Variants in MEMO1 observed in about 807,000 individuals in gnomAD.
MEMO1 encodes protein MEMO1.
MEMO1 carries 6 observed loss-of-function variants against 45.2 expected under a neutral mutation model. The observed-to-expected ratio is 0.13, with a 90% CI of 0.07 to 0.26. The LOEUF is 0.26. Among genes scored for constraint, MEMO1 ranks in the 10% least tolerant of loss-of-function variants. The pLI is 1.00. For synonymous variants in MEMO1, 78 were observed against 124.3 expected (o/e 0.63, Z 2.48); for missense variants, 184 against 370.5 (o/e 0.50, Z 4.13).
intron 2 of MEMO1, among the ~76,000 whole-genome samples, chr2:32,004,559 C>G (rs1016652132): frequency 4.6e-5 from 7 of 152,322 alleles, no homozygotes; most frequent in Admixed American, 3.9e-4. Flanking sequence ...AACTGGAGCT[C>G]TTACACACTG....
chr2:31,908,329 T>A lies in MEMO1; in HGVS notation c.437+9597A>T, dbSNP rs141870322. Among the ~76,000 whole-genome samples, 375 of 152,244 alleles carry A rather than the reference T, an allele frequency of 2.5e-3. 2 individuals are homozygous for A. Among genetic ancestry groups the A allele is most frequent in the African/African-American group, 7.4e-3 (306 of 41,554 alleles). ...GATATAAACAGGTGCTAGTTAAGATTTCAGGAAACTTCAGACTTCCTCCCA... is the reference window on the plus strand; with the variant it reads ...GATATAAACAGGTGCTAGTTAAGATATCAGGAAACTTCAGACTTCCTCCCA... On this transcript the variant is annotated intron_variant, in intron 6 of 9. Coordinates refer to ENST00000404530, the MANE Select transcript of MEMO1 (RefSeq NM_001301833.4).
Position 31,908,013 on chromosome 2 carries a change from T to TA in MEMO1, c.437+9912dup, listed in dbSNP as rs549068292. Among the ~76,000 whole-genome samples, 926 of 152,194 alleles carry TA rather than the reference T, an allele frequency of 6.1e-3. 12 individuals are homozygous for TA. The highest frequency in any genetic ancestry group is 0.021 in the African/African-American group (868 of 41,520). ...TTCAGAAGGTGGTAAAGTTAAATGGTAAAAAAAATTCTTTTTACAACCACC... is the reference window on the plus strand; with the variant it reads ...TTCAGAAGGTGGTAAAGTTAAATGGTAAAAAAAAATTCTTTTTACAACCACC... On this transcript the variant is annotated intron_variant, in intron 6 of 9. Transcript: ENST00000404530.
At chr2:31,936,976 C>T (rs1664988644) in intron 3 of MEMO1, among the ~76,000 whole-genome samples, 1 of 152,180 alleles carries the variant, frequency 6.6e-6, no homozygotes, top group South Asian at 2.1e-4. Flanking sequence ...ACAAGATCTA[C>T]TTAAGCTAAG....
intron 2 of MEMO1, among the ~76,000 whole-genome samples, chr2:31,995,622 G>C (rs529532328): frequency 1.3e-5 from 2 of 151,848 alleles, no homozygotes; most frequent in Admixed American, 1.3e-4. Flanking sequence ...AAAAAGGGGG[G>C]GAACATTCTC....
chr2:31,969,573 G>GT lies in MEMO1; in HGVS notation c.62-26191_62-26190insA, dbSNP rs200120184. Among the ~76,000 whole-genome samples, 646 of 113,156 alleles carry GT rather than the reference G, an allele frequency of 5.7e-3. 8 individuals are homozygous for GT. The highest frequency in any genetic ancestry group is 0.018 in the African/African-American group (479 of 27,070). The allele number at this position is 113,156 out of a possible 152,430, so 74.2% of individuals were successfully genotyped here. ...TCTATACTTTCTAAATCTTTTCTGG[G>GT]GGTGTGTGTGTGGGTGTGTGTGTGT... On this transcript the variant is annotated intron_variant, in intron 2 of 9. Coordinates refer to ENST00000404530, the MANE Select transcript of MEMO1 (RefSeq NM_001301833.4).
chr2:31,939,802 A>G (rs1194646817), intron 3 of MEMO1, among the ~76,000 whole-genome samples: 1 of 152,146 alleles, frequency 6.6e-6, no homozygotes, highest in Admixed American at 6.5e-5. Flanking sequence ...AATCCTCCTT[A>G]CCATATAGAT....
At chr2:31,933,340 A>AT (rs1664451090) in intron 3 of MEMO1, among the ~76,000 whole-genome samples, 3 of 57,498 alleles carry the variant, frequency 5.2e-5, no homozygotes, top group African/African-American at 2.3e-4. Context: ...AAAAAAAAAA[A>AT]AAAAAAAAAT....
chr2:31,945,511 ACCT>A (rs1666087901), intron 2 of MEMO1, among the ~76,000 whole-genome samples: 1 of 152,188 alleles, frequency 6.6e-6, no homozygotes, highest in Non-Finnish European at 1.5e-5. Flanking sequence ...GCCTAATTCT[ACCT>A]GTACTCCCCG....
At chr2:31,946,477 T>C (rs1000120492) in intron 2 of MEMO1, among the ~76,000 whole-genome samples, 4 of 152,222 alleles carry the variant, frequency 2.6e-5, no homozygotes, top group Non-Finnish European at 5.9e-5. Flanking sequence ...ACAAAGTAAT[T>C]TCATTATTAA....
intron 2 of MEMO1, among the ~76,000 whole-genome samples, chr2:31,955,110 C>A (rs1036943439): frequency 6.6e-6 from 1 of 151,804 alleles, no homozygotes; most frequent in Non-Finnish European, 1.5e-5. Flanking sequence ...GGTGTGGTGG[C>A]GCATGCCTGT....
chr2:31,903,303 C>T (rs938999441), intron 6 of MEMO1, among the ~76,000 whole-genome samples: 1 of 150,452 alleles, frequency 6.6e-6, no homozygotes, highest in African/African-American at 2.4e-5. Flanking sequence ...TACAGTTAGC[C>T]AGTCAGAAGG....
rs143175777 is a variant in MEMO1 at position 31,950,376 on chromosome 2, G to A, written c.62-6993C>T. 6.8e-3 allele frequency among the ~76,000 whole-genome samples: 976 copies of A among 143,124 alleles called. 9 individuals carry two copies. Among genetic ancestry groups the A allele is most frequent in the African/African-American group, 0.024 (923 of 38,576 alleles). The allele number at this position is 143,124 out of a possible 152,430, so 93.9% of individuals were successfully genotyped here. A position where few individuals can be genotyped will look rare whatever the true frequency, so the allele number is the denominator to read the frequency against. On this transcript the variant is annotated intron_variant, in intron 2 of 9. Transcript: ENST00000404530. ...AGCCTGGGCAGCAGAGCAAGACTCC[G>A]TCAAAAAAAAAAAACAAAAAAAAAC...
At chr2:31,894,182 A>T (rs557247798) in intron 6 of MEMO1, among the ~76,000 whole-genome samples, 20 of 152,208 alleles carry the variant, frequency 1.3e-4, no homozygotes, top group Non-Finnish European at 1.8e-4. Flanking sequence ...CAAGCAAACA[A>T]ACAAAAACAA....
intron 3 of MEMO1, among the ~76,000 whole-genome samples, chr2:31,939,717 T>C (rs1234246682): frequency 6.6e-6 from 1 of 152,180 alleles, no homozygotes; most frequent in East Asian, 1.9e-4. Context: ...TCCCCTCTTA[T>C]CCCTGCATCA....
At position 31,896,187 on chromosome 2, in the gene MEMO1, T is replaced by C. The variant is rs114899236; in HGVS notation, c.438-4053A>G. The stretch of plus-strand genomic sequence containing the variant: ...AGCGAGAAGAAAATAACTTCTAACA[T>C]ATAGGAGAGTTTTTAACAAATAGTA... On this transcript the variant is annotated intron_variant, in intron 6 of 9. Coordinates refer to ENST00000404530, the MANE Select transcript of MEMO1 (RefSeq NM_001301833.4). Among the ~76,000 whole-genome samples the C allele has an allele frequency of 5.3e-3, 803 of 152,194 alleles. 11 individuals carry two copies. Among genetic ancestry groups the C allele is most frequent in the African/African-American group, 0.019 (789 of 41,518 alleles).
chr2:31,919,954 G>A (rs1414469427), intron 5 of MEMO1, among the ~76,000 whole-genome samples: 1 of 135,004 alleles, frequency 7.4e-6, no homozygotes, highest in Non-Finnish European at 1.6e-5. Context: ...ATACACGTGT[G>A]TGTGTGTGTG....
Position 31,906,333 on chromosome 2 carries a change from G to GT in MEMO1, c.437+11592dup, listed in dbSNP as rs1267313825. On this transcript the variant is annotated intron_variant, in intron 6 of 9. Coordinates refer to ENST00000404530, the MANE Select transcript of MEMO1 (RefSeq NM_001301833.4). ...TGTTTGTTTGTTTGTTTTTGTTTTT[G>GT]TTTTTTTTGAGATAGAGTCTCGCCC... Among the ~76,000 whole-genome samples the GT allele has an allele frequency of 6.5e-3, 934 of 144,058 alleles. 11 individuals are homozygous for GT. Among genetic ancestry groups the GT allele is most frequent in the African/African-American group, 0.019 (725 of 38,704 alleles). The allele number at this position is 144,058 out of a possible 152,430, so 94.5% of individuals were successfully genotyped here. A position where few individuals can be genotyped will look rare whatever the true frequency, so the allele number is the denominator to read the frequency against.
chr2:31,903,327 C>T (rs71446026), intron 6 of MEMO1, among the ~76,000 whole-genome samples: 12,738 of 150,366 alleles, frequency 0.085, 580 homozygotes, highest in Middle Eastern at 0.19. Context: ...AGGATCCTTA[C>T]CCCTAAGGTG....
At chr2:31,927,781 T>C (rs1374270656) in intron 4 of MEMO1, among the ~76,000 whole-genome samples, 1 of 152,202 alleles carries the variant, frequency 6.6e-6, no homozygotes, top group African/African-American at 2.4e-5. Flanking sequence ...AAGTATCTCA[T>C]TTTAATTTTG....
Sources: allele counts gnomAD v4.1 joint callset (sites outside exome capture counted in the v4.1 genomes callset), GRCh38; gene constraint gnomAD v4.1.1; transcripts MANE v1.5; gene names NCBI Gene and HGNC (gene_info 2026-07-23, HGNC 2026-07-21).